The following SAMD3 variants were observed in gnomAD, a reference collection of about 807,000 sequenced individuals.
SAMD3 encodes the protein sterile alpha motif domain containing 3, also known as sterile alpha motif domain-containing protein 3.
A neutral mutation model predicts 58.5 loss-of-function variants in SAMD3; 63 were observed. That is an observed-to-expected ratio of 1.08 (90% CI 0.88 to 1.33). The LOEUF (loss-of-function observed/expected upper bound fraction) is 1.33. Among genes scored for constraint, SAMD3 ranks in the 40% most tolerant of loss-of-function variants. The probability of loss-of-function intolerance (pLI) is 0.00; values close to 1 mark genes in which losing one functional copy is unlikely to be tolerated. For missense variants in SAMD3, 604 were observed against 608.4 expected (o/e 0.99, Z 0.08); for synonymous variants, 220 against 210.3 (o/e 1.05, Z -0.40).
At chr6:130,363,849 A>T (rs1388277205) in intron 1 of SAMD3, among the ~76,000 whole-genome samples, 2 of 152,242 alleles carry the variant, frequency 1.3e-5, no homozygotes, top group Non-Finnish European at 2.9e-5. Flanking sequence ...GGCGAGAAGT[A>T]GAAAATAGTT....
chr6:130,148,100 T>A (rs1363328799), intron 9 of SAMD3, among the ~76,000 whole-genome samples: 1 of 152,236 alleles, frequency 6.6e-6, no homozygotes, highest in African/African-American at 2.4e-5. Context: ...TGTATAACTT[T>A]GATCCATCAG....
At chr6:130,150,847 G>A (rs1789102280) in intron 9 of SAMD3, among the ~76,000 whole-genome samples, 1 of 152,002 alleles carries the variant, frequency 6.6e-6, no homozygotes, top group African/African-American at 2.4e-5. Context: ...GAGTAGCTGG[G>A]ATTACAGGTG....
intron 2 of SAMD3, among the ~76,000 whole-genome samples, chr6:130,271,595 A>G (rs1774565234): frequency 6.6e-6 from 1 of 152,178 alleles, no homozygotes; most frequent in Non-Finnish European, 1.5e-5. Flanking sequence ...ATATGGTTTC[A>G]CAGTTTTTGT....
chr6:130,355,593 G>C (rs1401406817), intron 1 of SAMD3, among the ~76,000 whole-genome samples: 1 of 152,102 alleles, frequency 6.6e-6, no homozygotes. Context: ...GGAAGGTTGT[G>C]GTCACATGAT....
intron 8 of SAMD3, among the ~76,000 whole-genome samples, chr6:130,159,236 G>A (rs1300661491): frequency 6.6e-6 from 1 of 152,176 alleles, no homozygotes; most frequent in Non-Finnish European, 1.5e-5. Flanking sequence ...AAAAACGGGA[G>A]TTTCTCTGCA....
chr6:130,279,205 G>A (rs986434387), intron 2 of SAMD3, among the ~76,000 whole-genome samples: 1 of 152,094 alleles, frequency 6.6e-6, no homozygotes, highest in African/African-American at 2.4e-5. Context: ...TGGTTTGGCT[G>A]TGTCCCCCAC....
chr6:130,295,657 T>G (rs1260328477), intron 2 of SAMD3, among the ~76,000 whole-genome samples: 1 of 152,154 alleles, frequency 6.6e-6, no homozygotes, highest in Admixed American at 6.5e-5. Context: ...AATGGGATTA[T>G]CATAATTGGC....
chr6:130,305,709 G>A (rs755600457), intron 2 of SAMD3, among the ~76,000 whole-genome samples: 7 of 152,108 alleles, frequency 4.6e-5, no homozygotes. Context: ...TGTGTTGATT[G>A]ATCTGCTGAT....
At chr6:130,219,516 C>T (rs1562463205) in intron 1 of SAMD3, among the ~76,000 whole-genome samples, 1 of 152,152 alleles carries the variant, frequency 6.6e-6, no homozygotes, top group Non-Finnish European at 1.5e-5. Flanking sequence ...CCTCAAAGTC[C>T]ATTGTGTCAT....
chr6:130,283,336 G>A (rs1322254632), intron 2 of SAMD3, among the ~76,000 whole-genome samples: 2 of 152,136 alleles, frequency 1.3e-5, no homozygotes, highest in African/African-American at 2.4e-5. Flanking sequence ...GTAATATGTT[G>A]AGGTAATGGC....
In SAMD3 at chr6:130,184,475, G is replaced by A. The variant is rs772435858; in HGVS notation, c.532C>T (p.Leu178Phe). 1 of 1,614,106 alleles carries A rather than the reference G, an allele frequency of 6.2e-7. No individual in the cohort carries two copies. Among genetic ancestry groups the A allele is most frequent in the South Asian group, 1.1e-5 (1 of 91,072 alleles). Reference protein sequence around the residue: ...HSMRIRIIEFLQADMTKYLEG... With the variant: ...HSMRIRIIEFFQADMTKYLEG... The stretch of plus-strand genomic sequence containing the variant: ...AGATACTTAGTCATGTCGGCCTGGA[G>A]AAACTCAATGATCCTTATCCTCATG... The change falls in exon 6 of 12, where the codon CTC (leucine) becomes TTC (phenylalanine). Residue 178 changes from leucine to phenylalanine, a missense_variant. Leu to Phe is a conservative substitution (Grantham distance 22, BLOSUM62 0). Transcript: ENST00000439090.
intron 8 of SAMD3, among the ~76,000 whole-genome samples, chr6:130,174,188 TTCTG>T (rs1168030577): frequency 1.3e-5 from 2 of 152,122 alleles, no homozygotes; most frequent in African/African-American, 2.4e-5. Context: ...GATTGAACAG[TTCTG>T]TCTCACTGGG....
intron 1 of SAMD3, among the ~76,000 whole-genome samples, chr6:130,323,756 T>G (rs1244662821): frequency 1.6e-5 from 2 of 128,866 alleles, no homozygotes; most frequent in Non-Finnish European, 3.1e-5. Context: ...TGAGCTGAGA[T>G]CGTGACACTA....
At chr6:130,326,654 T>A (rs1776771757) in intron 1 of SAMD3, among the ~76,000 whole-genome samples, 2 of 152,342 alleles carry the variant, frequency 1.3e-5, no homozygotes, top group South Asian at 4.1e-4. Flanking sequence ...GTACTTGTTT[T>A]TTCTTTTTGT....
chr6:130,337,062 C>T (rs1003754685), intron 1 of SAMD3, among the ~76,000 whole-genome samples: 3 of 152,198 alleles, frequency 2.0e-5, no homozygotes, highest in African/African-American at 7.2e-5. Context: ...GCACTGAGTA[C>T]AGCTGGGTGC....
chr6:130,328,492 A>T (rs1776826784), intron 1 of SAMD3, among the ~76,000 whole-genome samples: 1 of 152,258 alleles, frequency 6.6e-6, no homozygotes, highest in Admixed American at 6.5e-5. Flanking sequence ...CTAAAAGAGT[A>T]GGACTTCTGT....
At chr6:130,261,314 G>A (rs1774127334) in intron 2 of SAMD3, among the ~76,000 whole-genome samples, 2 of 124,322 alleles carry the variant, frequency 1.6e-5, no homozygotes, top group African/African-American at 7.2e-5. Flanking sequence ...CCCACGGCGT[G>A]CCTTTATCGG....
chr6:130,152,577 T>A (rs1308264454), intron 9 of SAMD3, among the ~76,000 whole-genome samples: 6 of 152,032 alleles, frequency 3.9e-5, no homozygotes, highest in Non-Finnish European at 7.4e-5. Context: ...CTTGGGAGGC[T>A]GAGGCAGGAA....
intron 8 of SAMD3, among the ~76,000 whole-genome samples, chr6:130,173,039 G>A (rs988433772): frequency 2.0e-5 from 3 of 152,058 alleles, no homozygotes; most frequent in Non-Finnish European, 4.4e-5. Flanking sequence ...GTGTTTTTCA[G>A]CTCCATCAGG....
Sources: gnomAD v4.1 joint callset for allele counts (sites outside exome capture counted in the v4.1 genomes callset) on GRCh38, gnomAD v4.1.1 for gene constraint, MANE v1.5 for transcripts, NCBI Gene and HGNC (gene_info 2026-07-23, HGNC 2026-07-21) for gene names.